LRMDA: variants seen among roughly 807,000 people sequenced by gnomAD.
LRMDA encodes the protein leucine-rich melanocyte differentiation-associated protein.
Under a neutral mutation model 29.8 loss-of-function variants are expected in LRMDA, and 18 were observed. The observed-to-expected ratio is 0.60, with a 90% CI of 0.42 to 0.90. The LOEUF (loss-of-function observed/expected upper bound fraction) is 0.90. Ranked by LOEUF, LRMDA falls within the 40% of genes least tolerant of loss-of-function variation. The probability of loss-of-function intolerance (pLI) is 0.00; values close to 1 mark genes in which losing one functional copy is unlikely to be tolerated. For missense variants in LRMDA, 273 were observed against 273.9 expected (o/e 1.00, Z 0.02); for synonymous variants, 125 against 109.4 (o/e 1.14, Z -0.89).
At chr10:76,132,965 GCT>G (rs1850022862) in intron 5 of LRMDA, among the ~76,000 whole-genome samples, 4 of 118,838 alleles carry the variant, frequency 3.4e-5, no homozygotes, top group Non-Finnish European at 5.0e-5. Context: ...ACCACGCCCG[GCT>G]TTTTTTTTTT....
At chr10:75,915,288 A>G (rs1284305549) in intron 2 of LRMDA, among the ~76,000 whole-genome samples, 1 of 151,916 alleles carries the variant, frequency 6.6e-6, no homozygotes, top group Non-Finnish European at 1.5e-5. Flanking sequence ...GGCACCTGCC[A>G]TCATGCCCAG....
chr10:76,167,020 G>A (rs1850753310), intron 5 of LRMDA, among the ~76,000 whole-genome samples: 1 of 152,110 alleles, frequency 6.6e-6, no homozygotes, highest in African/African-American at 2.4e-5. Context: ...GTGTGAGATG[G>A]TATCTCATTG....
intron 6 of LRMDA, among the ~76,000 whole-genome samples, chr10:76,378,858 CTTTTTTT>C (rs144037195): frequency 8.4e-6 from 1 of 118,964 alleles, no homozygotes; most frequent in Non-Finnish European, 1.6e-5. Context: ...CTTTTTTTTT[CTTTTTTT>C]TTTTTTTTTG....
At chr10:76,055,089 A>AAAAAAAAAAAAAAG in intron 4 of LRMDA, among the ~76,000 whole-genome samples, 1 of 125,446 alleles carries the variant, frequency 8.0e-6, no homozygotes, top group Non-Finnish European at 1.7e-5. Context: ...AAAAAAAAAA[A>AAAAAAAAAAAAAAG]AAAAAGAAAA....
chr10:75,434,755 T>G (rs1218912496), intron 1 of LRMDA, among the ~76,000 whole-genome samples: 10 of 152,172 alleles, frequency 6.6e-5, no homozygotes, highest in Non-Finnish European at 1.2e-4. Flanking sequence ...CCCAGCTCAG[T>G]ATTACAAATT....
chr10:76,458,578 T>C (rs1842481332), intron 6 of LRMDA, among the ~76,000 whole-genome samples: 2 of 152,180 alleles, frequency 1.3e-5, no homozygotes, highest in South Asian at 4.1e-4. Context: ...GAGCTCTGTC[T>C]CTTGGATGAG....
intron 5 of LRMDA, among the ~76,000 whole-genome samples, chr10:76,153,797 C>CT (rs1186226123): frequency 6.6e-6 from 1 of 152,166 alleles, no homozygotes; most frequent in Non-Finnish European, 1.5e-5. Context: ...TTAGTGCTTC[C>CT]TGTACCTAGA....
intron 2 of LRMDA, among the ~76,000 whole-genome samples, chr10:75,543,858 T>C (rs1157612360): frequency 6.6e-6 from 1 of 152,196 alleles, no homozygotes; most frequent in Non-Finnish European, 1.5e-5. Context: ...AGCTGAAATG[T>C]CCCTGATGAT....
chr10:75,505,332 G>A (rs376574666), intron 2 of LRMDA, among the ~76,000 whole-genome samples: 21 of 152,206 alleles, frequency 1.4e-4, no homozygotes, highest in African/African-American at 5.1e-4. Context: ...TCACTAGTAT[G>A]TTCACATTCT....
rs1189041433 is a variant in LRMDA, at chr10:76,254,362, TG to T, written c.517-70038del. On this transcript the variant is annotated intron_variant, in intron 5 of 6. Transcript: ENST00000611255. ...TACCATCCTATCCTATCCTATCCTA[TG>T]CTATGCTATGCTATGCTATGCTATG... is the stretch of plus-strand genomic sequence containing the variant. Among the ~76,000 whole-genome samples, 251 of 126,720 alleles carry T rather than the reference TG, an allele frequency of 2.0e-3. 1 individual carries two copies. Among genetic ancestry groups the T allele is most frequent in the African/African-American group, 7.0e-3 (221 of 31,662 alleles). 83.1% of individuals were successfully genotyped at this position (126,720 alleles called of 152,430 possible). A position where few individuals can be genotyped will look rare whatever the true frequency, so the allele number is the denominator to read the frequency against.
At chr10:76,509,799 G>A (rs538731063) in intron 6 of LRMDA, among the ~76,000 whole-genome samples, 2 of 152,224 alleles carry the variant, frequency 1.3e-5, no homozygotes, top group South Asian at 2.1e-4. Flanking sequence ...CACTGTAAGC[G>A]CAGGGCAGGC....
chr10:76,515,464 A>G (rs1843050399), intron 6 of LRMDA, among the ~76,000 whole-genome samples: 1 of 152,166 alleles, frequency 6.6e-6, no homozygotes, highest in Non-Finnish European at 1.5e-5. Flanking sequence ...TAATGAATGT[A>G]TATTAGAAAG....
intron 2 of LRMDA, among the ~76,000 whole-genome samples, chr10:75,660,018 T>C (rs191018907): frequency 3.9e-5 from 6 of 152,198 alleles, no homozygotes; most frequent in Admixed American, 3.9e-4. Context: ...TCTCCCTCTT[T>C]CTCTCCCCAT....
chr10:76,312,742 A>C (rs1440757739), intron 5 of LRMDA, among the ~76,000 whole-genome samples: 1 of 151,804 alleles, frequency 6.6e-6, no homozygotes. Context: ...TAGGGATCTC[A>C]CAATTTTTGC....
intron 2 of LRMDA, among the ~76,000 whole-genome samples, chr10:75,557,897 T>C (rs943230087): frequency 6.6e-6 from 1 of 152,180 alleles, no homozygotes; most frequent in African/African-American, 2.4e-5. Flanking sequence ...TGTTTTGATG[T>C]GTCCTTTCAG....
At chr10:75,988,575 G>A (rs1351970379) in intron 2 of LRMDA, among the ~76,000 whole-genome samples, 7 of 147,524 alleles carry the variant, frequency 4.7e-5, no homozygotes, top group East Asian at 4.2e-4. Context: ...CACGCAGACC[G>A]GAACAGAGTC....
intron 5 of LRMDA, among the ~76,000 whole-genome samples, chr10:76,148,066 C>T (rs10740454): frequency 0.54 from 82,074 of 151,870 alleles, 22,347 homozygotes; most frequent in South Asian, 0.61. Flanking sequence ...AGAGGAGTAC[C>T]CGGCCGTGTG....
intron 5 of LRMDA, among the ~76,000 whole-genome samples, chr10:76,181,039 T>C (rs114367513): frequency 0.017 from 2,664 of 152,248 alleles, 74 homozygotes; most frequent in African/African-American, 0.058. Flanking sequence ...GTGAGTCTTC[T>C]CAAAGTGTCT....
intron 6 of LRMDA, among the ~76,000 whole-genome samples, chr10:76,531,470 T>C (rs1005189026): frequency 2.0e-5 from 3 of 152,190 alleles, no homozygotes; most frequent in Non-Finnish European, 4.4e-5. Context: ...TTCCCCTTTT[T>C]TCCTGTGTTG....
Sources: gnomAD v4.1 joint callset for allele counts (sites outside exome capture counted in the v4.1 genomes callset) on GRCh38, gnomAD v4.1.1 for gene constraint, MANE v1.5 for transcripts, NCBI Gene and HGNC (gene_info 2026-07-23, HGNC 2026-07-21) for gene names.